Variants in ADCY5 observed in about 807,000 individuals in gnomAD.
ADCY5 encodes the protein adenylate cyclase type 5.
In ADCY5, 30 loss-of-function variants were observed where a neutral mutation model predicts 119.7. The ratio of observed to expected loss-of-function variants is 0.25; its 90% CI spans 0.19 to 0.34. ADCY5 has a LOEUF of 0.34. Among genes scored for constraint, ADCY5 ranks in the 10% least tolerant of loss-of-function variants. ADCY5 has a pLI of 1.00. For synonymous variants in ADCY5, 753 were observed against 762.2 expected (o/e 0.99, Z 0.20); for missense variants, 1,324 against 1,775.2 (o/e 0.75, Z 4.57).
At chr3:123,397,226 G>A (rs1173002423) in intron 1 of ADCY5, among the ~76,000 whole-genome samples, 1 of 152,152 alleles carries the variant, frequency 6.6e-6, no homozygotes, top group Non-Finnish European at 1.5e-5. Flanking sequence ...AGCAGAGGGG[G>A]AGGCATAGAA....
chr3:123,399,281 T>C (rs72966545), intron 1 of ADCY5, among the ~76,000 whole-genome samples: 5,369 of 152,332 alleles, frequency 0.035, 291 homozygotes, highest in African/African-American at 0.12. Flanking sequence ...TTAAATAAAG[T>C]GTATGCCTAA....
intron 1 of ADCY5, among the ~76,000 whole-genome samples, chr3:123,380,582 C>T (rs1043293985): frequency 5.3e-5 from 8 of 152,210 alleles, no homozygotes; most frequent in Admixed American, 2.0e-4. Flanking sequence ...CCTAGGCCAC[C>T]TCCACTGACC....
In ADCY5 at chr3:123,352,685, G is replaced by T; in HGVS notation, c.1135-104C>A. 7.4e-7 allele frequency: 1 copy of T among 1,345,702 alleles called. No homozygotes were observed. The highest frequency in any genetic ancestry group is 1.0e-6 in the Non-Finnish European group (1 of 999,628). 83.4% of individuals were successfully genotyped at this position (1,345,702 alleles called of 1,614,324 possible). A position where few individuals can be genotyped will look rare whatever the true frequency, so the allele number is the denominator to read the frequency against. On this transcript the variant is annotated intron_variant, in intron 1 of 20. Transcript: ENST00000462833. This position sits in a 1 kb window ranked among gnomAD's most constrained non-coding sequence, Gnocchi z 4.8. ...CTCAGCAAACTCACACCTGGCGCTAGCAAACAAATGCTGAGGGCACCCCAC... is the reference window on the plus strand; with the variant it reads ...CTCAGCAAACTCACACCTGGCGCTATCAAACAAATGCTGAGGGCACCCCAC...
Position 123,317,878 on chromosome 3 carries a change from G to A in ADCY5, c.2354+142C>T, listed in dbSNP as rs566593695. ...GACCCCTGGCTTCCTACCCCACCAA[G>A]GGCACACTCAGAAACTTCTCTCCGT... On this transcript the variant is annotated intron_variant, in intron 11 of 20. Coordinates refer to ENST00000462833, the MANE Select transcript of ADCY5 (RefSeq NM_183357.3). 19 of 728,976 alleles carry A rather than the reference G, an allele frequency of 2.6e-5. No homozygotes were observed. In the South Asian group the frequency reaches 3.1e-4, roughly 12 times the overall value. 45.2% of individuals were successfully genotyped at this position (728,976 alleles called of 1,614,324 possible).
At chr3:123,315,243 A>C (rs991227354) in intron 11 of ADCY5, among the ~76,000 whole-genome samples, 2 of 152,254 alleles carry the variant, frequency 1.3e-5, no homozygotes, top group African/African-American at 4.8e-5. Context: ...GGAGGATTCA[A>C]ACAGCGTCTT....
In ADCY5 at chr3:123,303,226, G is replaced by A. The variant is rs1225526056; in HGVS notation, c.2560-7C>T. On this transcript the variant is annotated splice_region_variant and splice_polypyrimidine_tract_variant and intron_variant, in intron 13 of 20. Transcript: ENST00000462833. ...CCCTGGAGTTGCACGTGAACTGGGG[G>A]GAGGAAGGAGGGTGATGAGGGGAGG... is the stretch of plus-strand genomic sequence containing the variant. The A allele has an allele frequency of 2.5e-6, 4 of 1,611,022 alleles. No homozygotes were observed. The East Asian group carries it at 8.9e-5, about 36-fold the overall frequency.
At chr3:123,350,047 T>C (rs956615509) in intron 2 of ADCY5, among the ~76,000 whole-genome samples, 1 of 152,206 alleles carries the variant, frequency 6.6e-6, no homozygotes, top group Non-Finnish European at 1.5e-5. Flanking sequence ...CCACTCCAGA[T>C]AGAGCAGAAC....
intron 1 of ADCY5, among the ~76,000 whole-genome samples, chr3:123,440,428 C>T (rs1945703347): frequency 6.6e-6 from 1 of 152,126 alleles, no homozygotes; most frequent in African/African-American, 2.4e-5. Context: ...AGAATAAAGC[C>T]TCTACTGTCT....
intron 1 of ADCY5, among the ~76,000 whole-genome samples, chr3:123,422,654 C>T (rs987923638): frequency 1.8e-4 from 28 of 152,294 alleles, no homozygotes; most frequent in African/African-American, 6.7e-4. Context: ...GGGGGCGCTG[C>T]GAATCCCCCT....
chr3:123,306,855 A>G (rs1940225625), intron 12 of ADCY5, among the ~76,000 whole-genome samples: 1 of 152,250 alleles, frequency 6.6e-6, no homozygotes, highest in African/African-American at 2.4e-5. Flanking sequence ...TTGTCCATCA[A>G]TTGATGAATG....
intron 12 of ADCY5, among the ~76,000 whole-genome samples, chr3:123,309,705 T>C (rs1478810823): frequency 6.6e-6 from 1 of 152,140 alleles, no homozygotes; most frequent in African/African-American, 2.4e-5. Context: ...CTCCATCTCC[T>C]AAATGAATGA....
intron 1 of ADCY5, among the ~76,000 whole-genome samples, chr3:123,430,097 T>A (rs1338161981): frequency 6.6e-6 from 1 of 152,142 alleles, no homozygotes; most frequent in African/African-American, 2.4e-5. Context: ...ATGGAGACCC[T>A]CTTCCTGCTC....
intron 1 of ADCY5, among the ~76,000 whole-genome samples, chr3:123,374,704 GCAT>G (rs1943757535): frequency 6.6e-6 from 1 of 152,090 alleles, no homozygotes; most frequent in Non-Finnish European, 1.5e-5. Context: ...GGGGGCAGCA[GCAT>G]CTGTCTGGAG....
chr3:123,386,536 CA>C (rs369401798), intron 1 of ADCY5, among the ~76,000 whole-genome samples: 2 of 152,316 alleles, frequency 1.3e-5, no homozygotes, highest in East Asian at 3.9e-4. Context: ...TTGTCTGGAA[CA>C]AATTATTAAC....
intron 10 of ADCY5, among the ~76,000 whole-genome samples, chr3:123,318,717 G>A (rs984672068): frequency 3.3e-5 from 5 of 152,130 alleles, no homozygotes; most frequent in Non-Finnish European, 7.3e-5. Flanking sequence ...TTGCTTGCCT[G>A]GTTTAATGCT....
At chr3:123,317,143 A>G (rs868509340) in intron 11 of ADCY5, among the ~76,000 whole-genome samples, 3 of 152,294 alleles carry the variant, frequency 2.0e-5, no homozygotes, top group African/African-American at 2.4e-5. Context: ...AATTTAACAA[A>G]CACCTCAACC....
intron 2 of ADCY5, among the ~76,000 whole-genome samples, chr3:123,350,627 C>T (rs1364884207): frequency 6.6e-6 from 1 of 152,308 alleles, no homozygotes; most frequent in South Asian, 2.1e-4. Flanking sequence ...CCCAGGGAGC[C>T]CCAGCAGCTC....
intron 1 of ADCY5, among the ~76,000 whole-genome samples, chr3:123,378,975 C>T (rs1399040457): frequency 6.6e-6 from 1 of 152,170 alleles, no homozygotes; most frequent in Admixed American, 6.5e-5. Flanking sequence ...TTCTTCCCTT[C>T]AGCGGTGCCT....
Position 123,352,723 on chromosome 3 carries a change from A to C in ADCY5, c.1135-142T>G. The C allele has an allele frequency of 1.0e-6, 1 of 967,008 alleles. No individual in the cohort carries two copies. The highest frequency in any genetic ancestry group is 1.7e-5 in the African/African-American group (1 of 60,592). The allele number at this position is 967,008 out of a possible 1,614,324, so 59.9% of individuals were successfully genotyped here. A position where few individuals can be genotyped will look rare whatever the true frequency, so the allele number is the denominator to read the frequency against. ...GAGGGCACCCCACACGCGGCCAACCACTGTGAGCAGCCGAGCATAATCGAT... is the reference window on the plus strand; with the variant it reads ...GAGGGCACCCCACACGCGGCCAACCCCTGTGAGCAGCCGAGCATAATCGAT... On this transcript the variant is annotated intron_variant, in intron 1 of 20. Coordinates refer to ENST00000462833, the MANE Select transcript of ADCY5 (RefSeq NM_183357.3). The surrounding 1 kb of genome is among the most constrained non-coding windows in gnomAD (Gnocchi z 4.8).
Sources: gnomAD v4.1 joint callset for allele counts (sites outside exome capture counted in the v4.1 genomes callset) on GRCh38, gnomAD v4.1.1 for gene constraint, Gnocchi (gnomAD v3.1) non-coding constraint, MANE v1.5 for transcripts, NCBI Gene and HGNC (gene_info 2026-07-23, HGNC 2026-07-21) for gene names.